Variants in CDH23 observed in about 807,000 individuals in gnomAD.
CDH23 encodes cadherin-23.
Under a neutral mutation model 317.1 loss-of-function variants are expected in CDH23, and 189 were observed. The ratio of observed to expected loss-of-function variants is 0.60; its 90% CI spans 0.53 to 0.67. The LOEUF (loss-of-function observed/expected upper bound fraction) is 0.67. Among genes scored for constraint, CDH23 ranks in the 30% least tolerant of loss-of-function variants. CDH23 has a pLI of 0.00. For synonymous variants in CDH23, 1,839 were observed against 1,876.8 expected (o/e 0.98, Z 0.52); for missense variants, 4,401 against 4,592.4 (o/e 0.96, Z 1.20).
intron 3 of CDH23, among the ~76,000 whole-genome samples, chr10:71,446,969 G>A (rs1457665043): frequency 6.6e-6 from 1 of 152,194 alleles, no homozygotes; most frequent in East Asian, 1.9e-4. Context: ...TGCAGGAGCT[G>A]TCTTATAGCT....
chr10:71,663,652 G>A (rs1321464722), intron 14 of CDH23, among the ~76,000 whole-genome samples: 1 of 152,216 alleles, frequency 6.6e-6, no homozygotes, highest in East Asian at 1.9e-4. Flanking sequence ...AATGAAAGTA[G>A]TATTAGTACC....
chr10:71,791,313 T>C lies in CDH23; in HGVS notation c.6231T>C (p.His2077=). 6.2e-7 allele frequency: 1 copy of C among 1,613,742 alleles called. No homozygotes were observed. Among genetic ancestry groups the C allele is most frequent in the Non-Finnish European group, 8.5e-7 (1 of 1,179,824 alleles). ...PTFSPATLTV[H]LLENCPPGFS... is the part of the protein sequence containing the mutation. Reference sequence around the variant, plus strand: ...TTAGCCCTGCCACCCTCACTGTCCATCTGCTAGAGAACTGCCCGCCTGGTA... The same window carrying C: ...TTAGCCCTGCCACCCTCACTGTCCACCTGCTAGAGAACTGCCCGCCTGGTA... Residue 2077 remains histidine, a synonymous_variant, in exon 47 of 70, where the codon CAT becomes CAC. Transcript: ENST00000224721.
Position 71,815,126 on chromosome 10 carries a change from C to T in CDH23, c.9913C>T (p.Gln3305Ter), listed in dbSNP as rs1228595305. 6.2e-7 allele frequency: 1 copy of T among 1,611,238 alleles called. No individual in the cohort carries two copies. The highest frequency in any genetic ancestry group is 8.5e-7 in the Non-Finnish European group (1 of 1,179,170). Residue 3305 changes from glutamine (Q) to a stop codon, truncating the protein, a stop_gained, in exon 70 of 70, where the codon CAG (glutamine) becomes TAG (stop). Coordinates refer to ENST00000224721, the MANE Select transcript of CDH23 (RefSeq NM_022124.6). LOFTEE classifies it high-confidence loss of function. ...TDLNSLPEED[Q>*]KGLGRSLETL... ...CCTCAACAGCCTGCCCGAGGAAGAC[C>T]AGAAGGGCCTGGGCCGCTCGCTGGA...
At chr10:71,603,304 T>G (rs1860338995) in intron 9 of CDH23, among the ~76,000 whole-genome samples, 1 of 152,198 alleles carries the variant, frequency 6.6e-6, no homozygotes, top group African/African-American at 2.4e-5. Flanking sequence ...CCTCCTTCCC[T>G]GGGACAAGGC....
chr10:71,548,651 G>A (rs7476733), intron 6 of CDH23, among the ~76,000 whole-genome samples: 5,406 of 152,252 alleles, frequency 0.036, 226 homozygotes, highest in Admixed American at 0.14. Context: ...GAGACAGAGG[G>A]AAAAAGGAAG....
chr10:71,401,831 C>A (rs561815522), intron 1 of CDH23, among the ~76,000 whole-genome samples: 1 of 152,276 alleles, frequency 6.6e-6, no homozygotes, highest in African/African-American at 2.4e-5. Context: ...ATCTGAATGT[C>A]TGCAACAGTG....
intron 20 of CDH23, among the ~76,000 whole-genome samples, chr10:71,690,965 TGCC>T (rs1865165281): frequency 6.6e-6 from 1 of 152,216 alleles, no homozygotes; most frequent in East Asian, 1.9e-4. Context: ...CACGGATGTG[TGCC>T]TCAGTTTCCC....
In CDH23 at chr10:71,725,630, T is replaced by C. The variant is rs371221128; in HGVS notation, c.3579+110T>C. 4.7e-6 allele frequency: 6 copies of C among 1,280,020 alleles called. No homozygotes were observed. The African/African-American group carries it at 8.9e-5, about 19-fold the overall frequency. The allele number at this position is 1,280,020 out of a possible 1,614,324, so 79.3% of individuals were successfully genotyped here. A position where few individuals can be genotyped will look rare whatever the true frequency, so the allele number is the denominator to read the frequency against. Reference sequence around the variant, plus strand: ...TGGTGTGGGCAGGGCCACCACTGATTTAGGTGCTGAATGACATCTGGGCCT... The same window carrying C: ...TGGTGTGGGCAGGGCCACCACTGATCTAGGTGCTGAATGACATCTGGGCCT... On this transcript the variant is annotated intron_variant, in intron 30 of 69. Coordinates refer to ENST00000224721, the MANE Select transcript of CDH23 (RefSeq NM_022124.6).
intron 1 of CDH23, among the ~76,000 whole-genome samples, chr10:71,399,684 G>C (rs563154913): frequency 1.2e-4 from 18 of 152,262 alleles, no homozygotes; most frequent in African/African-American, 4.3e-4. Flanking sequence ...AGGATTGCTA[G>C]AGCCCAGGAG....
chr10:71,670,165 G>A (rs1589315660), intron 14 of CDH23, among the ~76,000 whole-genome samples: 2 of 152,218 alleles, frequency 1.3e-5, no homozygotes, highest in Non-Finnish European at 2.9e-5. Flanking sequence ...GCAGGGGCCA[G>A]GGTGTTGGAG....
Position 71,715,972 on chromosome 10 carries a change from G to A in CDH23, c.3369+3159G>A. 4 of 1,488,392 alleles carry A rather than the reference G, an allele frequency of 2.7e-6. No homozygotes were observed. The South Asian group carries it at 5.5e-5, about 20-fold the overall frequency. The allele number at this position is 1,488,392 out of a possible 1,614,324, so 92.2% of individuals were successfully genotyped here. A position where few individuals can be genotyped will look rare whatever the true frequency, so the allele number is the denominator to read the frequency against. On this transcript the variant is annotated intron_variant, in intron 28 of 69. Coordinates refer to ENST00000224721, the MANE Select transcript of CDH23 (RefSeq NM_022124.6). ...TAGATTCCATGTAGTCACAGTGGCT[G>A]CGGTTGTCCTCGGGGCCCGGCAGGG...
rs1054319587 is a variant in CDH23, at chr10:71,715,973, C to T, written c.3369+3160C>T. Reference sequence around the variant, plus strand: ...AGATTCCATGTAGTCACAGTGGCTGCGGTTGTCCTCGGGGCCCGGCAGGGG... The same window carrying T: ...AGATTCCATGTAGTCACAGTGGCTGTGGTTGTCCTCGGGGCCCGGCAGGGG... On this transcript the variant is annotated intron_variant, in intron 28 of 69. Transcript: ENST00000224721. 37 of 1,487,888 alleles carry T rather than the reference C, an allele frequency of 2.5e-5. No individual in the cohort carries two copies. The East Asian group carries it at 3.0e-4, about 12-fold the overall frequency. The allele number at this position is 1,487,888 out of a possible 1,614,324, so 92.2% of individuals were successfully genotyped here.
At chr10:71,551,102 G>A (rs957902949) in intron 6 of CDH23, among the ~76,000 whole-genome samples, 1 of 152,206 alleles carries the variant, frequency 6.6e-6, no homozygotes, top group Non-Finnish European at 1.5e-5. Flanking sequence ...TAATAACACC[G>A]ACAGTAATGA....
intron 3 of CDH23, among the ~76,000 whole-genome samples, chr10:71,486,179 T>C (rs1275806807): frequency 6.6e-6 from 1 of 152,208 alleles, no homozygotes; most frequent in African/African-American, 2.4e-5. Context: ...AATTTCATCT[T>C]TGGGGTCTGC....
At chr10:71,496,643 G>C (rs1852988556) in intron 3 of CDH23, among the ~76,000 whole-genome samples, 1 of 152,218 alleles carries the variant, frequency 6.6e-6, no homozygotes, top group Admixed American at 6.5e-5. Flanking sequence ...GGGAACTGCT[G>C]ACCTCTAGGT....
At chr10:71,427,246 G>GAAAGAAAGAAAGAAAGAAAGAAAGA (rs1193969874) in intron 1 of CDH23, among the ~76,000 whole-genome samples, 1 of 17,316 alleles carries the variant, frequency 5.8e-5, no homozygotes, top group East Asian at 2.2e-3. Flanking sequence ...AGAAAGAAAG[G>GAAAGAAAGAAAGAAAGAAAGAAAGA]GAAAGAAAGA....
At chr10:71,807,233 G>T in intron 57 of CDH23, 44 bp from the exon 58 acceptor site, 1 of 1,603,132 alleles carries the variant, frequency 6.2e-7, no homozygotes, top group South Asian at 1.1e-5. Context: ...GGAAGCTCGG[G>T]TCTTCCCTTG....
chr10:71,488,657 A>G (rs1192799391), intron 3 of CDH23, among the ~76,000 whole-genome samples: 3 of 152,228 alleles, frequency 2.0e-5, no homozygotes, highest in African/African-American at 7.2e-5. Context: ...TGTTGATTGC[A>G]CCTGGCAACA....
chr10:71,704,937 C>T lies in CDH23; in HGVS notation c.2760C>T (p.Gly920=), dbSNP rs1266806818. The T allele has an allele frequency of 5.6e-6, 9 of 1,612,934 alleles. No homozygotes were observed. Among genetic ancestry groups the T allele is most frequent in the Non-Finnish European group, 7.6e-6 (9 of 1,179,860 alleles). Residue 920 remains glycine, a synonymous_variant, in exon 25 of 70, where the codon GGC becomes GGT. Transcript: ENST00000224721. The part of the protein sequence containing the change: ...YQVVAIDLDE[G]LNGLVSYRMP... ...TGGTGGCCATCGACCTCGATGAGGG[C>T]CTGAACGGCCTGGTGTCCTACCGCA...
Sources: gnomAD v4.1 joint callset for allele counts (sites outside exome capture counted in the v4.1 genomes callset) on GRCh38, gnomAD v4.1.1 for gene constraint, MANE v1.5 for transcripts, NCBI Gene and HGNC (gene_info 2026-07-23, HGNC 2026-07-21) for gene names.